Variants in GRK3 observed in about 807,000 individuals in gnomAD.
GRK3 encodes adrenergic, beta, receptor kinase 2.
In GRK3, 54 loss-of-function variants were observed where a neutral mutation model predicts 95.7. That is an observed-to-expected ratio of 0.56 (90% CI 0.45 to 0.71). GRK3 has a LOEUF of 0.71. Ranked by LOEUF, GRK3 falls within the 30% of genes least tolerant of loss-of-function variation. The pLI is 0.00. For synonymous variants in GRK3, 281 were observed against 290.8 expected (o/e 0.97, Z 0.34); for missense variants, 649 against 851.2 (o/e 0.76, Z 2.96).
rs1451624618 is a variant in GRK3 at position 25,729,066 on chromosome 22, C to G, written c.*6616C>G. The G allele has an allele frequency of 6.6e-6, 1 of 152,130 alleles. No individual in the cohort carries two copies. Among genetic ancestry groups the G allele is most frequent in the African/African-American group, 2.4e-5 (1 of 41,440 alleles). The allele number at this position is 152,130 out of a possible 1,614,324, so 9.4% of individuals were successfully genotyped here. A position where few individuals can be genotyped will look rare whatever the true frequency, so the allele number is the denominator to read the frequency against. ...TCATTGGTTCTATCTCTTTTTGTAT[C>G]TGTTGTGCCAGGGAAGGTTTATAAT... On this transcript the variant is annotated 3_prime_UTR_variant, in exon 21 of 21. Coordinates refer to ENST00000324198, the MANE Select transcript of GRK3 (RefSeq NM_005160.4).
At chr22:25,685,545 A>G (rs941173474) in intron 10 of GRK3, among the ~76,000 whole-genome samples, 1 of 152,234 alleles carries the variant, frequency 6.6e-6, no homozygotes, top group African/African-American at 2.4e-5. Flanking sequence ...TAGATCTTTA[A>G]TTAGCTTATT....
intron 18 of GRK3, among the ~76,000 whole-genome samples, chr22:25,716,665 G>C (rs1428474173): frequency 6.6e-6 from 1 of 152,062 alleles, no homozygotes; most frequent in Non-Finnish European, 1.5e-5. Flanking sequence ...CTCAGGTTCT[G>C]CATCTGTGGA....
chr22:25,600,644 G>T (rs1245787356), intron 1 of GRK3, among the ~76,000 whole-genome samples: 1 of 152,120 alleles, frequency 6.6e-6, no homozygotes, highest in Non-Finnish European at 1.5e-5. Context: ...ATGTGCATAA[G>T]TGCTCTGTAG....
intron 1 of GRK3, among the ~76,000 whole-genome samples, chr22:25,585,721 G>A (rs1452340970): frequency 6.6e-6 from 1 of 152,260 alleles, no homozygotes; most frequent in African/African-American, 2.4e-5. Flanking sequence ...GGGCTCCCTT[G>A]GTGCAAACTT....
chr22:25,729,061 TG>T lies in GRK3; in HGVS notation c.*6612del, dbSNP rs1462893453. Reference sequence around the variant, plus strand: ...AAATATCATTGGTTCTATCTCTTTTTGTATCTGTTGTGCCAGGGAAGGTTTA... The same window carrying T: ...AAATATCATTGGTTCTATCTCTTTTTTATCTGTTGTGCCAGGGAAGGTTTA... On this transcript the variant is annotated 3_prime_UTR_variant, in exon 21 of 21. Transcript: ENST00000324198. The T allele has an allele frequency of 6.6e-6, 1 of 152,248 alleles. No homozygotes were observed. Among genetic ancestry groups the T allele is most frequent in the Non-Finnish European group, 1.5e-5 (1 of 68,054 alleles). The allele number at this position is 152,248 out of a possible 1,614,324, so 9.4% of individuals were successfully genotyped here.
intron 1 of GRK3, among the ~76,000 whole-genome samples, chr22:25,576,298 A>G (rs1931895686): frequency 6.6e-6 from 1 of 152,154 alleles, no homozygotes; most frequent in Non-Finnish European, 1.5e-5. Context: ...CACCCCTCCT[A>G]GGAGTGGCTT....
At chr22:25,629,711 C>A (rs7284230) in intron 2 of GRK3, among the ~76,000 whole-genome samples, 16,030 of 152,084 alleles carry the variant, frequency 0.11, 2,717 homozygotes, top group African/African-American at 0.36. Flanking sequence ...AATGTCTTAT[C>A]CAACATCCTC....
chr22:25,631,168 T>C (rs2084661289), intron 2 of GRK3, among the ~76,000 whole-genome samples: 1 of 152,248 alleles, frequency 6.6e-6, no homozygotes, highest in Non-Finnish European at 1.5e-5. Flanking sequence ...TTTCAGGTTT[T>C]ATAGCTATAT....
chr22:25,566,892 G>A (rs1200617050), intron 1 of GRK3, among the ~76,000 whole-genome samples: 1 of 150,404 alleles, frequency 6.6e-6, no homozygotes, highest in Admixed American at 6.6e-5. Context: ...CTCAACTCAT[G>A]GGCAGTTTTT....
At chr22:25,661,105 G>A (rs1601508792) in intron 3 of GRK3, among the ~76,000 whole-genome samples, 1 of 152,110 alleles carries the variant, frequency 6.6e-6, no homozygotes, top group East Asian at 1.9e-4. Context: ...GTTGATTTTT[G>A]AAAAATCTCT....
intron 10 of GRK3, among the ~76,000 whole-genome samples, chr22:25,686,983 C>G (rs907632170): frequency 1.3e-5 from 2 of 152,124 alleles, no homozygotes; most frequent in Non-Finnish European, 2.9e-5. Context: ...CCACGCCTGG[C>G]TAATTTTTGT....
intron 15 of GRK3, among the ~76,000 whole-genome samples, chr22:25,708,625 C>G (rs146145214): frequency 6.6e-6 from 1 of 151,948 alleles, no homozygotes; most frequent in South Asian, 2.1e-4. Flanking sequence ...TGGGAGTGCT[C>G]CTCCCCCATG....
rs754462185 is a variant in GRK3, at chr22:25,661,558, T to C, written c.265-18T>C. 9 of 1,540,234 alleles carry C rather than the reference T, an allele frequency of 5.8e-6. No individual in the cohort carries two copies. The highest frequency in any genetic ancestry group is 1.7e-5 in the Admixed American group (1 of 58,722). ...CCAGGAAGATACAACCTAACAATGA[T>C]AACTTTAAAAAACCTAGATAAAGGA... On this transcript the variant is annotated intron_variant, in intron 3 of 20. Transcript: ENST00000324198.
At chr22:25,579,633 C>T (rs1258302116) in intron 1 of GRK3, among the ~76,000 whole-genome samples, 8 of 151,830 alleles carry the variant, frequency 5.3e-5, no homozygotes, top group South Asian at 2.1e-4. Flanking sequence ...CCACCACACC[C>T]GGCTAATTTT....
intron 1 of GRK3, among the ~76,000 whole-genome samples, chr22:25,583,267 G>A (rs713921): frequency 0.023 from 3,441 of 152,208 alleles, 62 homozygotes; most frequent in Middle Eastern, 0.068. Context: ...TAATTTCATA[G>A]GTGGTAATTT....
intron 1 of GRK3, among the ~76,000 whole-genome samples, chr22:25,603,475 T>G (rs141517494): frequency 0.019 from 2,897 of 152,350 alleles, 47 homozygotes; most frequent in Non-Finnish European, 0.028. Context: ...GTTTCTGCAC[T>G]GTCTTCCATT....
chr22:25,668,631 G>A (rs2084958294), intron 6 of GRK3, among the ~76,000 whole-genome samples: 1 of 152,200 alleles, frequency 6.6e-6, no homozygotes, highest in Admixed American at 6.5e-5. Context: ...ACAGACGATT[G>A]TACTTTTCTG....
chr22:25,710,924 A>T (rs2085338929), intron 16 of GRK3, 144 bp from the exon 17 acceptor site: 2 of 462,078 alleles, frequency 4.3e-6, no homozygotes, highest in Non-Finnish European at 7.7e-6. Context: ...AAAATATGAA[A>T]TGTGATTTGT....
At chr22:25,621,754 T>C (rs1028204856) in intron 2 of GRK3, among the ~76,000 whole-genome samples, 1 of 152,234 alleles carries the variant, frequency 6.6e-6, no homozygotes, top group Non-Finnish European at 1.5e-5. Context: ...AGCCATGGGT[T>C]TGTATCCTCA....
Sources: gnomAD v4.1 joint callset for allele counts (sites outside exome capture counted in the v4.1 genomes callset) on GRCh38, gnomAD v4.1.1 for gene constraint, MANE v1.5 for transcripts, NCBI Gene and HGNC (gene_info 2026-07-23, HGNC 2026-07-21) for gene names.